DNAH10: variants seen among roughly 807,000 people sequenced by gnomAD.
DNAH10 encodes axonemal beta dynein heavy chain 10.
In DNAH10, 348 loss-of-function variants were observed where a neutral mutation model predicts 506.6. The observed-to-expected ratio is 0.69, with a 90% CI of 0.63 to 0.75. The LOEUF is 0.75. DNAH10 is among the 30% of genes least tolerant of loss of function. The probability of loss-of-function intolerance (pLI) is 0.00; values close to 1 mark genes in which losing one functional copy is unlikely to be tolerated. For synonymous variants in DNAH10, 2,059 were observed against 2,198.6 expected (o/e 0.94, Z 1.78); for missense variants, 5,179 against 5,787.1 (o/e 0.89, Z 3.41).
chr12:123,839,773 C>T (rs976700604), intron 29 of DNAH10, among the ~76,000 whole-genome samples: 1 of 151,720 alleles, frequency 6.6e-6, no homozygotes, highest in Non-Finnish European at 1.5e-5. Context: ...CGCCATTCTC[C>T]TGCCTCAGCC....
At chr12:123,783,299 C>T (rs773399736) in intron 7 of DNAH10, 35 bp downstream of exon 7, 1 of 1,607,972 alleles carries the variant, frequency 6.2e-7, no homozygotes, top group Non-Finnish European at 8.5e-7. Context: ...AGCCCCGATC[C>T]AGGTCATGCT....
intron 2 of DNAH10, 119 bp from the exon 3 acceptor site, chr12:123,771,482 C>T: frequency 1.3e-6 from 1 of 774,916 alleles, no homozygotes; most frequent in Non-Finnish European, 2.2e-6. Context: ...GTATGCACAG[C>T]TATTTGATAA....
Position 123,903,159 on chromosome 12 carries a change from A to G in DNAH10, c.9815+46A>G. 2 of 1,550,042 alleles carry G rather than the reference A, an allele frequency of 1.3e-6. No homozygotes were observed. Among genetic ancestry groups the G allele is most frequent in the Non-Finnish European group, 1.7e-6 (2 of 1,148,636 alleles). ...TTCTGGGCTTCCATTCCACCTCTGC[A>G]AGCCAGTAGTCTCCATGATCGTGGC... On this transcript the variant is annotated intron_variant, in intron 57 of 78. Transcript: ENST00000673944. The surrounding 1 kb of genome is among the most constrained non-coding windows in gnomAD (Gnocchi z 4.6).
rs1566301217 is a variant in DNAH10 at position 123,762,530 on chromosome 12, A to AGGAGGT, written c.205_210dup (p.Val69_Glu70dup). 9 of 1,558,338 alleles carry AGGAGGT rather than the reference A, an allele frequency of 5.8e-6. No individual in the cohort carries two copies. Among genetic ancestry groups the AGGAGGT allele is most frequent in the Admixed American group, 5.6e-5 (3 of 53,120 alleles). On this transcript the variant is annotated inframe_insertion, in exon 1 of 79. Coordinates refer to ENST00000673944, the MANE Select transcript of DNAH10 (RefSeq NM_001372106.1). This position sits in a 1 kb window ranked among gnomAD's most constrained non-coding sequence, Gnocchi z 5.0. Reference sequence around the variant, plus strand: ...TTCATCTACCGCACTATGGTGCCGGAGGAGGTGGAGGTGGAGATTGGTGAG... The same window carrying AGGAGGT: ...TTCATCTACCGCACTATGGTGCCGGAGGAGGTGGAGGTGGAGGTGGAGATTGGTGAG...
chr12:123,890,751 G>A (rs986290380), intron 52 of DNAH10, among the ~76,000 whole-genome samples: 3 of 152,168 alleles, frequency 2.0e-5, no homozygotes, highest in Non-Finnish European at 4.4e-5. Flanking sequence ...GAAGTGGGTG[G>A]ATTCACGAGG....
At chr12:123,808,769 CTG>C in intron 18 of DNAH10, 26 bp from the exon 19 acceptor site, 1 of 1,612,288 alleles carries the variant, frequency 6.2e-7, no homozygotes. Flanking sequence ...GAGATACACT[CTG>C]AGTCTTTCTC....
At chr12:123,834,519 T>C (rs765081925) in intron 27 of DNAH10, among the ~76,000 whole-genome samples, 3 of 152,228 alleles carry the variant, frequency 2.0e-5, no homozygotes, top group Non-Finnish European at 4.4e-5. Flanking sequence ...AAAAAAATTT[T>C]CTATTGAGGT....
chr12:123,893,509 C>G (rs1165812597), intron 53 of DNAH10, 73 bp downstream of exon 53: 11 of 1,544,038 alleles, frequency 7.1e-6, no homozygotes, highest in Non-Finnish European at 9.8e-6. Context: ...CTGTCCACAC[C>G]TCTCCAGGTT....
chr12:123,935,705 T>C lies in DNAH10; in HGVS notation c.*224T>C, dbSNP rs1955465955. The C allele has an allele frequency of 6.7e-6, 3 of 448,670 alleles. No homozygotes were observed. Among genetic ancestry groups the C allele is most frequent in the South Asian group, 7.0e-5 (1 of 14,222 alleles). The allele number at this position is 448,670 out of a possible 1,614,324, so 27.8% of individuals were successfully genotyped here. A position where few individuals can be genotyped will look rare whatever the true frequency, so the allele number is the denominator to read the frequency against. On this transcript the variant is annotated 3_prime_UTR_variant, in exon 79 of 79. Coordinates refer to ENST00000673944, the MANE Select transcript of DNAH10 (RefSeq NM_001372106.1). ...AATTTATATAATCAAAAAGTAAATA[T>C]TGGAGAGTATTTTAAGATGTGTGGA...
Position 123,875,211 on chromosome 12 carries a change from C to G in DNAH10, c.7939-20C>G. The G allele has an allele frequency of 6.3e-7, 1 of 1,591,346 alleles. No homozygotes were observed. The highest frequency in any genetic ancestry group is 8.6e-7 in the Non-Finnish European group (1 of 1,167,694). ...CTTTGCGATACTACTGTTCTCTTTT[C>G]TTTTTTAAAAAAAATCAAGGTGGAT... On this transcript the variant is annotated intron_variant, in intron 46 of 78. Transcript: ENST00000673944.
rs1272417963 is a variant in DNAH10, at chr12:123,853,922, ACGCACG to A, written c.6438+572_6438+577del. 1.3e-5 allele frequency among the ~76,000 whole-genome samples: 2 copies of A among 150,822 alleles called. No individual in the cohort carries two copies. Among genetic ancestry groups the A allele is most frequent in the South Asian group, 2.1e-4 (1 of 4,708 alleles). On this transcript the variant is annotated intron_variant, in intron 36 of 78. Coordinates refer to ENST00000673944, the MANE Select transcript of DNAH10 (RefSeq NM_001372106.1). This position sits in a 1 kb window ranked among gnomAD's most constrained non-coding sequence, Gnocchi z 4.7. The stretch of plus-strand genomic sequence containing the variant: ...CGCACGCACATGTACACATACGCAC[ACGCACG>A]CACACGCACACGCACACACACACAC...
At chr12:123,888,459 G>A (rs759000776) in intron 52 of DNAH10, among the ~76,000 whole-genome samples, 1 of 152,154 alleles carries the variant, frequency 6.6e-6, no homozygotes, top group Non-Finnish European at 1.5e-5. Context: ...CCTAAATCCA[G>A]TGACAGCTGT....
rs1254093759 is a variant in DNAH10, at chr12:123,850,046, GGCCTCTTGTGGGATACT to G, written c.6103-840_6103-824del. ...CCCCCTGGGCCATCTGGGCCATCTG[GGCCTCTTGTGGGATACT>G]GAGGCTAGGGATGGTCTCAGGGCCG... On this transcript the variant is annotated intron_variant, in intron 34 of 78. Transcript: ENST00000673944. This position sits in a 1 kb window ranked among gnomAD's most constrained non-coding sequence, Gnocchi z 5.5. Among the ~76,000 whole-genome samples the G allele has an allele frequency of 6.6e-6, 1 of 152,076 alleles. No individual in the cohort carries two copies.
intron 37 of DNAH10, among the ~76,000 whole-genome samples, chr12:123,858,774 T>G (rs1951499155): frequency 6.6e-6 from 1 of 152,160 alleles, no homozygotes; most frequent in Admixed American, 6.5e-5. Context: ...GCAGCACGCG[T>G]GCTACAACAT....
Position 123,875,273 on chromosome 12 carries a change from C to T in DNAH10, c.7981C>T (p.Leu2661=). The T allele has an allele frequency of 3.7e-6, 6 of 1,612,630 alleles. No homozygotes were observed. The highest frequency in any genetic ancestry group is 5.1e-6 in the Non-Finnish European group (6 of 1,179,194). Residue 2661 remains leucine, a synonymous_variant, in exon 47 of 79, where the codon CTG becomes TTG. Transcript: ENST00000673944. ...GTQQPIALLK[L]LLEKGYLYDR... is the part of the protein sequence containing the mutation. ...GCAGCAGCCCATTGCCTTGCTGAAG[C>T]TGCTGTTGGAAAAAGGCTACTTATA... is the stretch of plus-strand genomic sequence containing the variant.
chr12:123,900,400 A>G (rs1953465211), intron 56 of DNAH10, among the ~76,000 whole-genome samples: 1 of 152,198 alleles, frequency 6.6e-6, no homozygotes, highest in African/African-American at 2.4e-5. Context: ...AGTGGGGGCT[A>G]GAAACCGAAT....
In DNAH10 at chr12:123,833,339, G is replaced by A. The variant is rs1442578026; in HGVS notation, c.4771G>A (p.Val1591Ile). Residue 1591 changes from valine (V) to isoleucine (I), a missense_variant, in exon 27 of 79, where the codon GTC becomes ATC. Transcript: ENST00000673944. ...AAAAACGCTTTCTCTAATAGGGGAA[G>A]TCATTGAGGTGAGAGAAAAGATGAA... ...WEKTLSLIGE[V>I]IEIWMLVQRK... 2 of 1,609,454 alleles carry A rather than the reference G, an allele frequency of 1.2e-6. No individual in the cohort carries two copies. Among genetic ancestry groups the A allele is most frequent in the Non-Finnish European group, 1.7e-6 (2 of 1,177,572 alleles).
At chr12:123,851,243 C>T (rs1367754313) in intron 35 of DNAH10, among the ~76,000 whole-genome samples, 167 bp downstream of exon 35, 4 of 148,212 alleles carry the variant, frequency 2.7e-5, no homozygotes, top group Non-Finnish European at 4.4e-5. Context: ...GTGTTAGCTC[C>T]GTGTGGCTCT....
chr12:123,835,370 A>G (rs1328112911), intron 27 of DNAH10, 36 bp from the exon 28 acceptor site: 2 of 1,606,570 alleles, frequency 1.2e-6, no homozygotes, highest in Admixed American at 1.7e-5. Flanking sequence ...GGTATCTGAT[A>G]ACCCCTGCTG....
Sources: gnomAD v4.1 joint callset for allele counts (sites outside exome capture counted in the v4.1 genomes callset) on GRCh38, gnomAD v4.1.1 for gene constraint, Gnocchi (gnomAD v3.1) non-coding constraint, MANE v1.5 for transcripts, NCBI Gene and HGNC (gene_info 2026-07-23, HGNC 2026-07-21) for gene names.